Variants in RABGAP1L observed in about 807,000 individuals in gnomAD.
RABGAP1L encodes rab GTPase-activating protein 1-like.
A neutral mutation model predicts 137.7 loss-of-function variants in RABGAP1L; 63 were observed. That is an observed-to-expected ratio of 0.46 (90% CI 0.37 to 0.56). RABGAP1L has a LOEUF of 0.56. Among genes scored for constraint, RABGAP1L ranks in the 20% least tolerant of loss-of-function variants. The pLI, the probability that RABGAP1L is intolerant of heterozygous loss-of-function variation, is 0.00. For synonymous variants in RABGAP1L, 431 were observed against 433.7 expected (o/e 0.99, Z 0.08); for missense variants, 1,095 against 1,244.0 (o/e 0.88, Z 1.80).
intron 14 of RABGAP1L, among the ~76,000 whole-genome samples, chr1:174,647,613 A>G (rs930870575): frequency 6.6e-6 from 1 of 152,008 alleles, no homozygotes; most frequent in African/African-American, 2.4e-5. Context: ...GTTTGCCAAT[A>G]TTTTATTGAG....
intron 23 of RABGAP1L, among the ~76,000 whole-genome samples, chr1:174,982,093 C>T (rs1374785962): frequency 1.3e-5 from 2 of 152,132 alleles, no homozygotes; most frequent in Non-Finnish European, 2.9e-5. Flanking sequence ...GAGTTTTAGT[C>T]TGTATTATTT....
At chr1:174,986,576 T>G (rs1328009173) in intron 24 of RABGAP1L, among the ~76,000 whole-genome samples, 2 of 152,228 alleles carry the variant, frequency 1.3e-5, no homozygotes, top group East Asian at 3.8e-4. Flanking sequence ...TCTGTCAAAC[T>G]TATTGCTCTA....
chr1:174,756,509 C>A (rs1340639810), intron 18 of RABGAP1L, among the ~76,000 whole-genome samples: 1 of 151,800 alleles, frequency 6.6e-6, no homozygotes, highest in Admixed American at 6.6e-5. Flanking sequence ...ATCTAAAAAA[C>A]TTTACAAGGA....
chr1:174,983,740 G>C (rs772162092), intron 24 of RABGAP1L, among the ~76,000 whole-genome samples: 4 of 152,128 alleles, frequency 2.6e-5, no homozygotes, highest in Admixed American at 2.0e-4. Context: ...TGAATATAAA[G>C]TACATAGTGT....
intron 19 of RABGAP1L, among the ~76,000 whole-genome samples, chr1:174,819,384 A>G (rs905190978): frequency 1.3e-5 from 2 of 152,090 alleles, no homozygotes; most frequent in Non-Finnish European, 2.9e-5. Flanking sequence ...TTGAGCACCT[A>G]CTATATGCCA....
At chr1:174,681,914 A>G (rs952497617) in intron 14 of RABGAP1L, among the ~76,000 whole-genome samples, 3 of 152,206 alleles carry the variant, frequency 2.0e-5, no homozygotes, top group Non-Finnish European at 1.5e-5. Flanking sequence ...ATGAAGTACA[A>G]CACATAGATG....
At chr1:174,900,621 C>T (rs192005605) in intron 19 of RABGAP1L, among the ~76,000 whole-genome samples, 7 of 150,118 alleles carry the variant, frequency 4.7e-5, no homozygotes, top group African/African-American at 1.5e-4. Flanking sequence ...GCCTCCAGGC[C>T]CTATTCTCCT....
intron 13 of RABGAP1L, among the ~76,000 whole-genome samples, chr1:174,611,540 C>T (rs1671251791): frequency 6.7e-6 from 1 of 148,910 alleles, no homozygotes; most frequent in Admixed American, 6.7e-5. Context: ...GCGATGCGGG[C>T]TCTTTTTTGG....
chr1:174,350,940 C>T (rs1324890758), intron 11 of RABGAP1L, among the ~76,000 whole-genome samples: 15 of 119,588 alleles, frequency 1.3e-4, no homozygotes, highest in Admixed American at 3.4e-4. Context: ...ACCAGTCAGG[C>T]GTGGCGGCGC....
rs762463442 is a variant in RABGAP1L, at chr1:174,448,264, A to G, written c.1710+54119A>G. 7 of 1,613,954 alleles carry G rather than the reference A, an allele frequency of 4.3e-6. No homozygotes were observed. The highest frequency in any genetic ancestry group is 5.9e-6 in the Non-Finnish European group (7 of 1,179,868). ...AGACAGTGGTTATTGTGTTGCTGAC[A>G]TTTCTGATCATTGCTGGGAATCTAA... On this transcript the variant is annotated intron_variant, in intron 13 of 25. Transcript: ENST00000681986. The surrounding 1 kb of genome is among the most constrained non-coding windows in gnomAD (Gnocchi z 4.2).
intron 19 of RABGAP1L, among the ~76,000 whole-genome samples, chr1:174,938,762 CTT>C (rs1187047846): frequency 6.6e-6 from 1 of 152,208 alleles, no homozygotes; most frequent in Non-Finnish European, 1.5e-5. Context: ...TGAGCTTTTA[CTT>C]TCAGCTGCCA....
At chr1:174,849,003 G>A (rs1290831580) in intron 19 of RABGAP1L, among the ~76,000 whole-genome samples, 4 of 151,710 alleles carry the variant, frequency 2.6e-5, no homozygotes, top group African/African-American at 7.3e-5. Flanking sequence ...AGGTGCGTCC[G>A]TCACCGCTTT....
chr1:174,732,620 C>G (rs1682578784), intron 17 of RABGAP1L, among the ~76,000 whole-genome samples: 1 of 152,078 alleles, frequency 6.6e-6, no homozygotes, highest in Non-Finnish European at 1.5e-5. Context: ...ACCAAGTGTT[C>G]TCTACTCTAT....
At chr1:174,714,723 A>T (rs567421266) in intron 17 of RABGAP1L, among the ~76,000 whole-genome samples, 1 of 152,166 alleles carries the variant, frequency 6.6e-6, no homozygotes, top group Non-Finnish European at 1.5e-5. Flanking sequence ...ACAGGCACCA[A>T]AGTTAACCTA....
At position 174,702,796 on chromosome 1, in the gene RABGAP1L, C is replaced by A. The variant is rs568390812; in HGVS notation, c.2169+540C>A. On this transcript the variant is annotated intron_variant, in intron 17 of 25. Coordinates refer to ENST00000681986, the MANE Select transcript of RABGAP1L (RefSeq NM_001366446.1). ...TTTCAAAAATTAGTTTGTAAAATTT[C>A]TTAGGTGTTTATATTTGTGTATTTT... Among the ~76,000 whole-genome samples the A allele has an allele frequency of 4.0e-5, 6 of 151,856 alleles. No homozygotes were observed. The South Asian group carries it at 1.2e-3, about 32-fold the overall frequency.
intron 19 of RABGAP1L, among the ~76,000 whole-genome samples, chr1:174,911,445 A>G (rs905566422): frequency 1.3e-5 from 2 of 152,212 alleles, no homozygotes; most frequent in Admixed American, 6.5e-5. Context: ...TTATCTTTCT[A>G]TGAAATAGGG....
At chr1:174,287,109 T>C (rs1676129950) in intron 10 of RABGAP1L, among the ~76,000 whole-genome samples, 1 of 152,168 alleles carries the variant, frequency 6.6e-6, no homozygotes, top group South Asian at 2.1e-4. Context: ...GCATGATCTA[T>C]CTACTGTCAA....
chr1:174,702,024 A>G (rs1679702390), intron 16 of RABGAP1L, 89 bp from the exon 17 acceptor site: 2 of 1,195,364 alleles, frequency 1.7e-6, no homozygotes, highest in Non-Finnish European at 2.4e-6. Flanking sequence ...GATCATAGAA[A>G]GCTGTTTGTA....
chr1:174,552,088 A>G (rs576541067), intron 13 of RABGAP1L, among the ~76,000 whole-genome samples: 1 of 152,382 alleles, frequency 6.6e-6, no homozygotes, highest in African/African-American at 2.4e-5. Context: ...AGATATTAAT[A>G]CATGTTTAAC....
Sources: gnomAD v4.1 joint callset for allele counts (sites outside exome capture counted in the v4.1 genomes callset) on GRCh38, gnomAD v4.1.1 for gene constraint, Gnocchi (gnomAD v3.1) non-coding constraint, MANE v1.5 for transcripts, NCBI Gene and HGNC (gene_info 2026-07-23, HGNC 2026-07-21) for gene names.